Variants in SIPA1L2 observed in about 807,000 individuals in gnomAD.
The protein encoded by SIPA1L2 is signal induced proliferation associated 1 like 2.
SIPA1L2 carries 56 observed loss-of-function variants against 163.9 expected under a neutral mutation model. That is an observed-to-expected ratio of 0.34 (90% CI 0.28 to 0.43). The LOEUF is 0.43. SIPA1L2 is among the 20% of genes least tolerant of loss of function. SIPA1L2 has a pLI of 1.00. For missense variants in SIPA1L2, 1,974 were observed against 2,193.5 expected (o/e 0.90, Z 2.00); for synonymous variants, 877 against 865.7 (o/e 1.01, Z -0.23).
At chr1:232,435,541 T>C (rs2102844337) in intron 15 of SIPA1L2, among the ~76,000 whole-genome samples, 1 of 152,348 alleles carries the variant, frequency 6.6e-6, no homozygotes, top group South Asian at 2.1e-4. Flanking sequence ...TCCAGTCATT[T>C]GTACCAGGAG....
intron 1 of SIPA1L2, among the ~76,000 whole-genome samples, chr1:232,627,815 T>C (rs974324161): frequency 3.3e-5 from 5 of 152,252 alleles, no homozygotes; most frequent in East Asian, 1.9e-4. Context: ...GTGCTTACAC[T>C]GCTTCTTATC....
chr1:232,551,903 G>T (rs1658409964), intron 2 of SIPA1L2, among the ~76,000 whole-genome samples: 2 of 152,150 alleles, frequency 1.3e-5, no homozygotes, highest in South Asian at 4.1e-4. Flanking sequence ...GCAATGGTGC[G>T]ATCTCGGCTC....
At chr1:232,625,203 T>A (rs1314946495) in intron 1 of SIPA1L2, among the ~76,000 whole-genome samples, 1 of 152,208 alleles carries the variant, frequency 6.6e-6, no homozygotes, top group Non-Finnish European at 1.5e-5. Flanking sequence ...CATTAGTAGT[T>A]AACTATAACC....
intron 2 of SIPA1L2, among the ~76,000 whole-genome samples, chr1:232,537,833 G>A (rs1300199936): frequency 6.6e-6 from 1 of 152,148 alleles, no homozygotes; most frequent in Non-Finnish European, 1.5e-5. Context: ...CCTCCCATAC[G>A]CAAATGTGTT....
chr1:232,412,962 C>T (rs1395214816), intron 19 of SIPA1L2, among the ~76,000 whole-genome samples: 2 of 152,144 alleles, frequency 1.3e-5, no homozygotes, highest in African/African-American at 4.8e-5. Context: ...TAGAATATTA[C>T]ATTATTTTCT....
chr1:232,628,437 G>C (rs959946180), intron 1 of SIPA1L2, among the ~76,000 whole-genome samples: 16 of 152,296 alleles, frequency 1.1e-4, no homozygotes. Context: ...CAATCAAGCG[G>C]TAAACATCTT....
chr1:232,470,097 C>T (rs1186557880), intron 8 of SIPA1L2, among the ~76,000 whole-genome samples: 1 of 152,138 alleles, frequency 6.6e-6, no homozygotes, highest in East Asian at 1.9e-4. Context: ...TTCAGAATTA[C>T]CATTCGCTGG....
intron 1 of SIPA1L2, among the ~76,000 whole-genome samples, chr1:232,604,791 T>C (rs1016320478): frequency 6.6e-6 from 1 of 152,110 alleles, no homozygotes; most frequent in African/African-American, 2.4e-5. Context: ...TTTGTTTAAA[T>C]GTGTGTGGCA....
chr1:232,471,706 G>A (rs955293117), intron 7 of SIPA1L2, among the ~76,000 whole-genome samples, 178 bp from the exon 8 acceptor site: 1 of 152,166 alleles, frequency 6.6e-6, no homozygotes, highest in Non-Finnish European at 1.5e-5. Flanking sequence ...CAAAAGACCC[G>A]TGGAAAGAAA....
intron 1 of SIPA1L2, among the ~76,000 whole-genome samples, chr1:232,626,920 C>T (rs1295705307): frequency 6.6e-6 from 1 of 152,270 alleles, no homozygotes; most frequent in African/African-American, 2.4e-5. Flanking sequence ...AGGTTCCTGT[C>T]TGTGCCTAAA....
At chr1:232,518,782 T>C (rs966568270) in intron 2 of SIPA1L2, among the ~76,000 whole-genome samples, 3 of 152,250 alleles carry the variant, frequency 2.0e-5, no homozygotes, top group Non-Finnish European at 2.9e-5. Flanking sequence ...GAGAAAGTTC[T>C]GTGAATTTGT....
chr1:232,525,377 A>G (rs943212107), intron 2 of SIPA1L2, among the ~76,000 whole-genome samples: 1 of 150,490 alleles, frequency 6.6e-6, no homozygotes, highest in Non-Finnish European at 1.5e-5. Flanking sequence ...CTGGGATTAC[A>G]GGCACCCGCC....
intron 18 of SIPA1L2, among the ~76,000 whole-genome samples, chr1:232,419,544 G>A (rs953792633): frequency 1.3e-5 from 2 of 152,064 alleles, no homozygotes; most frequent in African/African-American, 4.8e-5. Context: ...GAGTTCTCGT[G>A]AGAGTGAGTT....
At chr1:232,505,293 G>A (rs1666676712) in intron 3 of SIPA1L2, among the ~76,000 whole-genome samples, 1 of 152,124 alleles carries the variant, frequency 6.6e-6, no homozygotes, top group African/African-American at 2.4e-5. Flanking sequence ...TAAATTTTGG[G>A]TCTAAACAAA....
chr1:232,445,058 T>A (rs1022336742), intron 11 of SIPA1L2, among the ~76,000 whole-genome samples: 2 of 152,234 alleles, frequency 1.3e-5, no homozygotes, highest in Admixed American at 1.3e-4. Flanking sequence ...AAAATAATTT[T>A]AAACTCAACT....
chr1:232,412,561 C>T (rs976297457), intron 19 of SIPA1L2, among the ~76,000 whole-genome samples: 7 of 152,038 alleles, frequency 4.6e-5, no homozygotes, highest in East Asian at 3.9e-4. Context: ...GGGTTATCTA[C>T]CTGAAGACAT....
intron 8 of SIPA1L2, among the ~76,000 whole-genome samples, chr1:232,467,706 C>A (rs1664595743): frequency 6.6e-6 from 1 of 152,220 alleles, no homozygotes; most frequent in Non-Finnish European, 1.5e-5. Context: ...CAGTATTTTA[C>A]CCATGGAACG....
At chr1:232,451,773 T>C (rs562911841) in intron 10 of SIPA1L2, among the ~76,000 whole-genome samples, 7 of 152,114 alleles carry the variant, frequency 4.6e-5, no homozygotes, top group Non-Finnish European at 8.8e-5. Context: ...CACTTTTATG[T>C]AGGCATATTG....
chr1:232,476,433 T>C (rs1665051324), intron 7 of SIPA1L2, among the ~76,000 whole-genome samples: 1 of 152,212 alleles, frequency 6.6e-6, no homozygotes, highest in South Asian at 2.1e-4. Context: ...CTACTTTATA[T>C]GACTACTTTG....
Sources: gnomAD v4.1 joint callset for allele counts (sites outside exome capture counted in the v4.1 genomes callset) on GRCh38, gnomAD v4.1.1 for gene constraint, MANE v1.5 for transcripts, NCBI Gene and HGNC (gene_info 2026-07-23, HGNC 2026-07-21) for gene names.